Variants in IRX6 observed in about 807,000 individuals in gnomAD.
IRX6 encodes the protein iroquois homeobox 6.
Under a neutral mutation model 47.7 loss-of-function variants are expected in IRX6, and 46 were observed. The ratio of observed to expected loss-of-function variants is 0.96; its 90% confidence interval spans 0.76 to 1.23. The LOEUF is 1.23. Ranked by LOEUF, IRX6 falls within the 50% of genes most tolerant of loss-of-function variation. IRX6 has a pLI of 0.00. For missense variants in IRX6, 722 were observed against 588.0 expected (o/e 1.23, Z -2.36); for synonymous variants, 265 against 246.2 (o/e 1.08, Z -0.72).
chr16:55,328,772 A>G lies in IRX6; in HGVS notation c.794A>G (p.Glu265Gly). ...DLEDLEEEEE[E>G]EEEAEDEEVV... ...GAAGACCTGGAGGAAGAGGAGGAGG[A>G]GGAGGAGGAAGCTGAAGACGAGGAG... Residue 265 changes from glutamate to glycine, a missense_variant, in exon 5 of 6, where the codon GAG becomes GGG. Coordinates refer to ENST00000290552, the MANE Select transcript of IRX6 (RefSeq NM_024335.3). 3 of 1,613,126 alleles carry G rather than the reference A, an allele frequency of 1.9e-6. No homozygotes were observed. Among genetic ancestry groups the G allele is most frequent in the Non-Finnish European group, 2.5e-6 (3 of 1,180,006 alleles).
In IRX6 at chr16:55,330,586, C is replaced by T. The variant is rs1368125971; in HGVS notation, c.*281C>T. 1 of 537,758 alleles carries T rather than the reference C, an allele frequency of 1.9e-6. No homozygotes were observed. Among genetic ancestry groups the T allele is most frequent in the Non-Finnish European group, 3.3e-6 (1 of 300,142 alleles). The allele number at this position is 537,758 out of a possible 1,614,324, so 33.3% of individuals were successfully genotyped here. A position where few individuals can be genotyped will look rare whatever the true frequency, so the allele number is the denominator to read the frequency against. On this transcript the variant is annotated 3_prime_UTR_variant, in exon 6 of 6. Coordinates refer to ENST00000290552, the MANE Select transcript of IRX6 (RefSeq NM_024335.3). ...CCCACCCACCGACTCTACCAAGTCT[C>T]TCTTCCTCCTGTGGATTCAGCAAGG...
intron 3 of IRX6, 71 bp from the exon 4 acceptor site, chr16:55,327,515 C>A: frequency 6.3e-7 from 1 of 1,575,016 alleles, no homozygotes; most frequent in Non-Finnish European, 8.7e-7. Context: ...CACACTTCCA[C>A]GCCACAGACT....
At chr16:55,325,271 A>C (rs1960489974) in intron 1 of IRX6, 135 bp downstream of exon 1, 4 of 778,812 alleles carry the variant, frequency 5.1e-6, no homozygotes. Flanking sequence ...GTAATGTGTC[A>C]CAGCCTCCTC....
chr16:55,326,407 A>G lies in IRX6; in HGVS notation c.117A>G (p.Ser39=), dbSNP rs775409772. The part of the protein sequence containing the change: ...STQRSVSDVA[S]GSTPAPALCC... ...AACGCTCTGTCTCAGATGTGGCATC[A>G]GGCTCCACCCCAGCGCCCGCTCTCT... The change falls in exon 2 of 6, where the codon TCA becomes TCG. Residue 39 remains serine, a synonymous_variant. Transcript: ENST00000290552. 4.3e-6 allele frequency: 7 copies of G among 1,613,946 alleles called. No homozygotes were observed. In the African/African-American group the frequency reaches 6.7e-5, roughly 15 times the overall value.
Position 55,328,754 on chromosome 16 carries a change from T to A in IRX6, c.776T>A (p.Leu259Gln), listed in dbSNP as rs770250481. 1 of 1,613,000 alleles carries A rather than the reference T, an allele frequency of 6.2e-7. No homozygotes were observed. Among genetic ancestry groups the A allele is most frequent in the Non-Finnish European group, 8.5e-7 (1 of 1,179,954 alleles). The change falls in exon 5 of 6, where the codon CTG (leucine) becomes CAG (glutamine). Residue 259 changes from leucine to glutamine, a missense_variant. Leu to Gln is a moderately radical substitution (Grantham distance 113). Coordinates refer to ENST00000290552, the MANE Select transcript of IRX6 (RefSeq NM_024335.3). ...RGLRLSDLEDLEEEEEEEEEA... is the reference protein window; with the variant it reads ...RGLRLSDLEDQEEEEEEEEEA... Reference sequence around the variant, plus strand: ...CTCCGGCTGAGTGACCTGGAAGACCTGGAGGAAGAGGAGGAGGAGGAGGAG... The same window carrying A: ...CTCCGGCTGAGTGACCTGGAAGACCAGGAGGAAGAGGAGGAGGAGGAGGAG...
rs141862671 is a variant in IRX6, at chr16:55,329,376, G to C, written c.1333+65G>C. 5.5e-4 allele frequency: 837 copies of C among 1,521,752 alleles called. 6 individuals carry two copies. The East Asian group carries it at 0.017, about 31-fold the overall frequency. The allele number at this position is 1,521,752 out of a possible 1,614,324, so 94.3% of individuals were successfully genotyped here. A position where few individuals can be genotyped will look rare whatever the true frequency, so the allele number is the denominator to read the frequency against. ...AGACACCCACCTACCGCCCCGCCCG[G>C]CAATTGCACACCCTCTGCCATTCCA... On this transcript the variant is annotated intron_variant, in intron 5 of 5. Coordinates refer to ENST00000290552, the MANE Select transcript of IRX6 (RefSeq NM_024335.3).
At chr16:55,329,377 C>T in intron 5 of IRX6, 66 bp downstream of exon 5, 2 of 1,520,474 alleles carry the variant, frequency 1.3e-6, no homozygotes, top group African/African-American at 2.7e-5. Flanking sequence ...CCCCGCCCGG[C>T]AATTGCACAC....
Position 55,330,421 on chromosome 16 carries a change from A to C in IRX6, c.*116A>C. On this transcript the variant is annotated 3_prime_UTR_variant, in exon 6 of 6. Transcript: ENST00000290552. ...GGACCAGGAGCTCTCACTTTGCCTAAGAGACAGACACACAGAAACCCTCCT... is the reference window on the plus strand; with the variant it reads ...GGACCAGGAGCTCTCACTTTGCCTACGAGACAGACACACAGAAACCCTCCT... The C allele has an allele frequency of 9.7e-7, 1 of 1,026,486 alleles. No homozygotes were observed. Among genetic ancestry groups the C allele is most frequent in the East Asian group, 2.4e-5 (1 of 42,210 alleles). 63.6% of individuals were successfully genotyped at this position (1,026,486 alleles called of 1,614,324 possible).
At chr16:55,325,351 A>G (rs1295249219) in intron 1 of IRX6, among the ~76,000 whole-genome samples, 2 of 151,346 alleles carry the variant, frequency 1.3e-5, no homozygotes, top group Non-Finnish European at 2.9e-5. Context: ...GTGACCTGAA[A>G]CATGAGCACT....
At position 55,328,276 on chromosome 16, in the gene IRX6, C is replaced by G. The variant is rs552171776; in HGVS notation, c.721+383C>G. On this transcript the variant is annotated intron_variant, in intron 4 of 5. Transcript: ENST00000290552. ...CAGAAGCCTTACTTGCTGCCATATG[C>G]CCTACACACCTAATACCTAAATGAT... is the stretch of plus-strand genomic sequence containing the variant. 1.7e-4 allele frequency among the ~76,000 whole-genome samples: 26 copies of G among 152,306 alleles called. No individual in the cohort carries two copies. In the South Asian group the frequency reaches 5.2e-3, roughly 30 times the overall value.
intron 1 of IRX6, chr16:55,326,025 A>G (rs1287134374): frequency 1.7e-5 from 6 of 357,562 alleles, no homozygotes; most frequent in Non-Finnish European, 3.1e-5. Flanking sequence ...GGAAGGGAGC[A>G]GAGGGTTTGG....
chr16:55,325,462 GA>G (rs1383678747), intron 1 of IRX6, among the ~76,000 whole-genome samples: 7 of 135,014 alleles, frequency 5.2e-5, no homozygotes, highest in South Asian at 2.5e-4. Flanking sequence ...AAGAAAGAAA[GA>G]AAAGAAAGAA....
At chr16:55,329,865 C>A (rs78981905) in intron 5 of IRX6, among the ~76,000 whole-genome samples, 3,048 of 152,268 alleles carry the variant, frequency 0.02, 105 homozygotes, top group African/African-American at 0.068. Context: ...GTAGACATGC[C>A]CCTGCGGTCA....
At position 55,326,593 on chromosome 16, in the gene IRX6, G is replaced by A; in HGVS notation, c.303G>A (p.Leu101=). 1.9e-6 allele frequency: 3 copies of A among 1,539,844 alleles called. No individual in the cohort carries two copies. Among genetic ancestry groups the A allele is most frequent in the African/African-American group, 1.4e-5 (1 of 73,258 alleles). ...AGCCCCCCTCACTGTATGGGGCACT[G>A]GTGAGTACAGGGGTGGAGTCCCAGG... ...SPEPPSLYGA[L]NPQYEFKEAA... is the part of the protein sequence containing the mutation. The change falls in exon 2 of 6, where the codon CTG becomes CTA. Residue 101 remains leucine, a splice_region_variant and synonymous_variant. Transcript: ENST00000290552.
Position 55,326,334 on chromosome 16 carries a change from A to G in IRX6, c.46-2A>G, listed in dbSNP as rs1209756979. 4 of 1,610,770 alleles carry G rather than the reference A, an allele frequency of 2.5e-6. No homozygotes were observed. The highest frequency in any genetic ancestry group is 2.7e-5 in the African/African-American group (2 of 74,740). On this transcript the variant is annotated splice_acceptor_variant, in intron 1 of 5. Transcript: ENST00000290552. LOFTEE classifies it high-confidence loss of function. ...CCAGTGCCCTCTTTCTTGCCCCTAT[A>G]GTTTCTGGCGTCGGCAAGTTCCAGC... is the stretch of plus-strand genomic sequence containing the variant.
chr16:55,329,073 T>TGC lies in IRX6; in HGVS notation c.1096_1097dup (p.Pro367HisfsTer15). The TGC allele has an allele frequency of 6.2e-7, 1 of 1,614,020 alleles. No homozygotes were observed. Reference sequence around the variant, plus strand: ...CCGCGACAGCCAGCGCTGTTGAAGGTGCACCCCCAGCCCGGCCTAGGCCAC... The same window carrying TGC: ...CCGCGACAGCCAGCGCTGTTGAAGGTGCGCACCCCCAGCCCGGCCTAGGCCAC... On this transcript the variant is annotated frameshift_variant, in exon 5 of 6. Coordinates refer to ENST00000290552, the MANE Select transcript of IRX6 (RefSeq NM_024335.3). LOFTEE classifies it high-confidence loss of function.
In IRX6 at chr16:55,327,687, C is replaced by G; in HGVS notation, c.515C>G (p.Pro172Arg). 6.2e-7 allele frequency: 1 copy of G among 1,612,422 alleles called. No homozygotes were observed. The change falls in exon 4 of 6, where the codon CCC (proline) becomes CGC (arginine). Residue 172 changes from proline to arginine, a missense_variant. Pro to Arg is a moderately radical substitution (Grantham distance 103). Coordinates refer to ENST00000290552, the MANE Select transcript of IRX6 (RefSeq NM_024335.3). ...TGGCTCAACGAGCACCGCAAAAACC[C>G]CTACCCCACTAAGGGTGAGAAGATC... Reference protein sequence around the residue: ...KAWLNEHRKNPYPTKGEKIML... With the variant: ...KAWLNEHRKNRYPTKGEKIML...
Position 55,330,153 on chromosome 16 carries a change from C to T in IRX6, c.1334-145C>T, listed in dbSNP as rs534072396. ...TGGGTTACACTGTTATTTGAATTTACGCAACGGATCCAAACATTACCTCTG... is the reference window on the plus strand; with the variant it reads ...TGGGTTACACTGTTATTTGAATTTATGCAACGGATCCAAACATTACCTCTG... On this transcript the variant is annotated intron_variant, in intron 5 of 5. Transcript: ENST00000290552. 6.0e-4 allele frequency: 430 copies of T among 713,644 alleles called. 3 individuals carry two copies. The highest frequency in any genetic ancestry group is 5.1e-3 in the African/African-American group (288 of 56,686). The allele number at this position is 713,644 out of a possible 1,614,324, so 44.2% of individuals were successfully genotyped here.
Position 55,330,325 on chromosome 16 carries a change from G to C in IRX6, c.*20G>C, listed in dbSNP as rs747188603. ...GGTTAGCGCAATGGCTGCGATTTGC[G>C]AAAGAATCTTGGAAATGGGCCCCAC... On this transcript the variant is annotated 3_prime_UTR_variant, in exon 6 of 6. Transcript: ENST00000290552. 1 of 1,613,050 alleles carries C rather than the reference G, an allele frequency of 6.2e-7. No homozygotes were observed. The highest frequency in any genetic ancestry group is 8.5e-7 in the Non-Finnish European group (1 of 1,179,104).
Sources: allele counts gnomAD v4.1 joint callset (sites outside exome capture counted in the v4.1 genomes callset), GRCh38; gene constraint gnomAD v4.1.1; transcripts MANE v1.5; gene names NCBI Gene and HGNC (gene_info 2026-07-23, HGNC 2026-07-21).